Variants in UBA2 observed in about 807,000 individuals in gnomAD.
The protein encoded by UBA2 is SUMO-activating enzyme subunit 2.
In UBA2, 11 loss-of-function variants were observed where a neutral mutation model predicts 77.2. That is an observed-to-expected ratio of 0.14 (90% CI 0.09 to 0.24). UBA2 has a LOEUF of 0.24. Ranked by LOEUF, UBA2 falls within the 10% of genes least tolerant of loss-of-function variation. The pLI is 1.00. For synonymous variants in UBA2, 278 were observed against 276.7 expected, an observed-to-expected ratio of 1.00 and a Z score of -0.05; for missense variants, 487 against 781.7, an observed-to-expected ratio of 0.62 and a Z score of 4.50.
At position 34,469,024 on chromosome 19, in the gene UBA2, T is replaced by C. The variant is rs1224655750; in HGVS notation, c.1742-16T>C. On this transcript the variant is annotated splice_polypyrimidine_tract_variant and intron_variant, in intron 16 of 16. Transcript: ENST00000246548. ...CGCTTTTACCCATTTTCTTTTTCCC[T>C]TTTTTCTGAAATAAGCTCAAGAGCA... The C allele has an allele frequency of 3.2e-6, 5 of 1,580,648 alleles. No homozygotes were observed. The Admixed American group carries it at 7.7e-5, about 24-fold the overall frequency.
chr19:34,466,874 A>G lies in UBA2; in HGVS notation c.1605-4A>G. The stretch of plus-strand genomic sequence containing the variant: ...TAGCAGTGACCTGTGTGATTCTCCT[A>G]CAGTGAAGACCTAGGAAAGGACGTT... On this transcript the variant is annotated splice_region_variant and splice_polypyrimidine_tract_variant and intron_variant, in intron 15 of 16. Coordinates refer to ENST00000246548, the MANE Select transcript of UBA2 (RefSeq NM_005499.3). 1 of 1,612,326 alleles carries G rather than the reference A, an allele frequency of 6.2e-7. No individual in the cohort carries two copies. The highest frequency in any genetic ancestry group is 8.5e-7 in the Non-Finnish European group (1 of 1,179,828).
rs2075506076 is a variant in UBA2 at position 34,452,037 on chromosome 19, C to G, written c.928C>G (p.Gln310Glu). The change falls in exon 10 of 17, where the codon CAG (glutamine) becomes GAG (glutamate). Residue 310 changes from glutamine to glutamate, a missense_variant. Physicochemically the swap from Gln to Glu is conservative, Grantham distance 29 (BLOSUM62 2). Around this residue, in one of 9 missense-constraint regions of UBA2, gnomAD observed 300 missense variants for 454.3 expected, o/e 0.66. Coordinates refer to ENST00000246548, the MANE Select transcript of UBA2 (RefSeq NM_005499.3). ...TGAACCCCAGTTAGGCCTGAAAGAC[C>G]AGCAGGTTCTAGATGTAAAGAGCTA... ...QNEPQLGLKDQQVLDVKSYAR... is the reference protein window; with the variant it reads ...QNEPQLGLKDEQVLDVKSYAR... 6.2e-7 allele frequency: 1 copy of G among 1,607,538 alleles called. No homozygotes were observed. The highest frequency in any genetic ancestry group is 1.1e-5 in the South Asian group (1 of 90,042).
intron 12 of UBA2, among the ~76,000 whole-genome samples, chr19:34,457,177 AAAATATATATATATAT>A (rs1337687471): frequency 1.3e-4 from 9 of 68,506 alleles, no homozygotes; most frequent in African/African-American, 6.0e-4. Flanking sequence ...AAAAAAAAAA[AAAATATATATATATAT>A]ATATATATAT....
At chr19:34,435,086 T>G (rs1301141904) in intron 5 of UBA2, 118 bp downstream of exon 5, 1 of 731,096 alleles carries the variant, frequency 1.4e-6, no homozygotes, top group African/African-American at 1.8e-5. Context: ...ATGTAAGGAC[T>G]TTTATGCTTA....
At position 34,452,072 on chromosome 19, in the gene UBA2, T is replaced by C; in HGVS notation, c.963T>C (p.Leu321=). ...TAGATGTAAAGAGCTATGCACGTCT[T>C]TTTTCAAAGAGCATCGAGACTTTGA... The part of the protein sequence containing the change: ...QVLDVKSYAR[L]FSKSIETLRV... Residue 321 remains leucine (L), a synonymous_variant, in exon 10 of 17, where the codon CTT becomes CTC. Transcript: ENST00000246548. 1.2e-6 allele frequency: 2 copies of C among 1,611,366 alleles called. No individual in the cohort carries two copies. Among genetic ancestry groups the C allele is most frequent in the Non-Finnish European group, 8.5e-7 (1 of 1,178,016 alleles).
chr19:34,464,781 T>A (rs759024942), intron 15 of UBA2, among the ~76,000 whole-genome samples: 16 of 152,194 alleles, frequency 1.1e-4, no homozygotes, highest in Non-Finnish European at 1.9e-4. Context: ...TCATTTCGTT[T>A]GTGATTTTGT....
At chr19:34,442,897 T>G (rs1411296839) in intron 6 of UBA2, among the ~76,000 whole-genome samples, 4 of 152,198 alleles carry the variant, frequency 2.6e-5, no homozygotes, top group African/African-American at 9.6e-5. Flanking sequence ...ATCAGAGCTT[T>G]GAAATTATAG....
At chr19:34,438,907 T>C (rs2075338129) in intron 6 of UBA2, 141 bp downstream of exon 6, 4 of 1,208,282 alleles carry the variant, frequency 3.3e-6, no homozygotes, top group Non-Finnish European at 4.6e-6. Context: ...CTTGCAGTAT[T>C]TCTTAGGTTA....
chr19:34,449,373 C>G (rs2075467852), intron 8 of UBA2, among the ~76,000 whole-genome samples: 1 of 152,044 alleles, frequency 6.6e-6, no homozygotes, highest in South Asian at 2.1e-4. Context: ...GGCCAGAAAT[C>G]CTTACTCAAG....
At chr19:34,458,667 A>T in intron 12 of UBA2, 102 bp from the exon 13 acceptor site, 1 of 1,005,840 alleles carries the variant, frequency 9.9e-7, no homozygotes, top group Non-Finnish European at 1.4e-6. Flanking sequence ...GGGAATTTTT[A>T]AGTCATTTTT....
intron 3 of UBA2, among the ~76,000 whole-genome samples, chr19:34,432,568 TG>T (rs2075267493): frequency 7.1e-6 from 1 of 141,166 alleles, no homozygotes; most frequent in Non-Finnish European, 1.6e-5. Flanking sequence ...GTGTTTTTTT[TG>T]TGTGTGAGAT....
chr19:34,458,320 C>T (rs1045075970), intron 12 of UBA2, among the ~76,000 whole-genome samples: 5 of 151,932 alleles, frequency 3.3e-5, no homozygotes, highest in Non-Finnish European at 7.4e-5. Context: ...CTTTGGGAGG[C>T]CGAGGCGGGC....
intron 6 of UBA2, among the ~76,000 whole-genome samples, chr19:34,440,965 CAT>C (rs2145509382): frequency 6.7e-6 from 1 of 150,244 alleles, no homozygotes; most frequent in African/African-American, 2.4e-5. Flanking sequence ...GATCTAGAAT[CAT>C]ATAAAATAAA....
intron 10 of UBA2, among the ~76,000 whole-genome samples, chr19:34,452,352 G>C (rs1217127104): frequency 1.3e-5 from 2 of 152,132 alleles, no homozygotes; most frequent in African/African-American, 4.8e-5. Flanking sequence ...AACTTCATTT[G>C]GGATTCTAGT....
rs1177388703 is a variant in UBA2, at chr19:34,451,389, G to GTAT, written c.872-590_872-589insTTA. On this transcript the variant is annotated intron_variant, in intron 9 of 16. Coordinates refer to ENST00000246548, the MANE Select transcript of UBA2 (RefSeq NM_005499.3). ...TCAAACAGATTTAATTATGACTCTA[G>GTAT]TAGTGTCCGCTTACTGAGTTCTCAT... Among the ~76,000 whole-genome samples the GTAT allele has an allele frequency of 7.9e-5, 12 of 152,036 alleles. No homozygotes were observed. The East Asian group carries it at 2.3e-3, about 29-fold the overall frequency.
At chr19:34,435,887 G>A (rs989922836) in intron 5 of UBA2, among the ~76,000 whole-genome samples, 5 of 151,190 alleles carry the variant, frequency 3.3e-5, no homozygotes, top group African/African-American at 9.7e-5. Context: ...TTGGGAACCC[G>A]AAGCGAGCGG....
At chr19:34,460,057 C>G (rs1022546203) in intron 13 of UBA2, among the ~76,000 whole-genome samples, 1 of 152,132 alleles carries the variant, frequency 6.6e-6, no homozygotes, top group Admixed American at 6.5e-5. Context: ...TATCACTTCT[C>G]TAAATGCATG....
Position 34,450,742 on chromosome 19 carries a change from C to CTTTTTTTTTTTTTTTT in UBA2, c.871+387_871+402dup, listed in dbSNP as rs59580124. On this transcript the variant is annotated intron_variant, in intron 9 of 16. Transcript: ENST00000246548. ...GAAATTGCTATATATTTATGTATAT[C>CTTTTTTTTTTTTTTTT]TTTTTTTTTTTTTTTTTTTTTTTTG... 1.3e-4 allele frequency among the ~76,000 whole-genome samples: 11 copies of CTTTTTTTTTTTTTTTT among 83,432 alleles called. 1 individual carries two copies. Among genetic ancestry groups the CTTTTTTTTTTTTTTTT allele is most frequent in the Admixed American group, 3.3e-4 (2 of 6,068 alleles). 54.7% of individuals were successfully genotyped at this position (83,432 alleles called of 152,430 possible). A position where few individuals can be genotyped will look rare whatever the true frequency, so the allele number is the denominator to read the frequency against.
At chr19:34,442,928 A>T (rs988175796) in intron 6 of UBA2, among the ~76,000 whole-genome samples, 1 of 152,238 alleles carries the variant, frequency 6.6e-6, no homozygotes, top group Non-Finnish European at 1.5e-5. Context: ...GGTTGTACAA[A>T]GGATTTCTGT....
Sources: gnomAD v4.1 joint callset for allele counts (sites outside exome capture counted in the v4.1 genomes callset) on GRCh38, gnomAD v4.1.1 for gene constraint, gnomAD v4.1.1 regional missense constraint, MANE v1.5 for transcripts, NCBI Gene and HGNC (gene_info 2026-07-23, HGNC 2026-07-21) for gene names.